RPS6KA2: variants seen among roughly 807,000 people sequenced by gnomAD.
RPS6KA2 encodes ribosomal protein S6 kinase A2, also known as ribosomal protein S6 kinase alpha-2.
RPS6KA2 carries 42 observed loss-of-function variants against 91.8 expected under a neutral mutation model. That is an observed-to-expected ratio of 0.46 (90% CI 0.36 to 0.59). The LOEUF is 0.59. Ranked by LOEUF, RPS6KA2 falls within the 20% of genes least tolerant of loss-of-function variation. The pLI is 0.00. For synonymous variants in RPS6KA2, 414 were observed against 393.6 expected, an observed-to-expected ratio of 1.05 and a Z score of -0.61; for missense variants, 798 against 978.5, an observed-to-expected ratio of 0.82 and a Z score of 2.46.
At chr6:166,425,405 T>C (rs1022212447) in intron 16 of RPS6KA2, among the ~76,000 whole-genome samples, 6 of 149,290 alleles carry the variant, frequency 4.0e-5, no homozygotes, top group Middle Eastern at 3.2e-3. Flanking sequence ...ATGAGCAAAA[T>C]AACCAGCTAA....
Position 166,550,752 on chromosome 6 carries a change from C to T in RPS6KA2, c.100-11968G>A, listed in dbSNP as rs562279650. ...GCGCGATGGCTCACGCCTGTAATCCCAGCACTTTGGGAGGCCAAGGCGGTC... is the reference window on the plus strand; with the variant it reads ...GCGCGATGGCTCACGCCTGTAATCCTAGCACTTTGGGAGGCCAAGGCGGTC... On this transcript the variant is annotated intron_variant, in intron 1 of 20. Transcript: ENST00000265678. Among the ~76,000 whole-genome samples, 38 of 152,192 alleles carry T rather than the reference C, an allele frequency of 2.5e-4. No individual in the cohort carries two copies. The South Asian group carries it at 7.5e-3, about 30-fold the overall frequency.
At chr6:166,621,811 ATCTC>A (rs1289922867) in intron 1 of RPS6KA2, among the ~76,000 whole-genome samples, 2 of 152,150 alleles carry the variant, frequency 1.3e-5, no homozygotes, top group Non-Finnish European at 2.9e-5. Context: ...GGCCGCACAC[ATCTC>A]TGGTTGACCC....
upstream of RPS6KA2, among the ~76,000 whole-genome samples, chr6:166,631,246 T>C (rs143560752): frequency 6.6e-6 from 1 of 152,380 alleles, no homozygotes; most frequent in East Asian, 1.9e-4. Context: ...GGAATTTACA[T>C]TTGAAACCAG....
intron 1 of RPS6KA2, among the ~76,000 whole-genome samples, chr6:166,576,946 C>G (rs556151208): frequency 1.2e-3 from 153 of 133,008 alleles, no homozygotes; most frequent in African/African-American, 3.8e-3. Flanking sequence ...GGTCCCAGAG[C>G]TGTGTGCAGC....
chr6:166,810,690 C>G (rs1461441176), intron 2 of RPS6KA2, among the ~76,000 whole-genome samples: 1 of 152,154 alleles, frequency 6.6e-6, no homozygotes, highest in Non-Finnish European at 1.5e-5. Context: ...CGGATAAAAG[C>G]CTATATATGG....
intron 1 of RPS6KA2, among the ~76,000 whole-genome samples, chr6:166,599,621 A>G (rs1190268571): frequency 6.6e-6 from 1 of 152,216 alleles, no homozygotes; most frequent in Non-Finnish European, 1.5e-5. Flanking sequence ...GTATCTCTAA[A>G]AATACCAACC....
At chr6:166,695,462 G>A (rs1363314018) in intron 2 of RPS6KA2, among the ~76,000 whole-genome samples, 1 of 152,228 alleles carries the variant, frequency 6.6e-6, no homozygotes, top group East Asian at 1.9e-4. Context: ...CCTAAGTGCA[G>A]TGAGGGTCTT....
chr6:166,713,049 G>C (rs907771431), intron 2 of RPS6KA2, among the ~76,000 whole-genome samples: 1 of 152,230 alleles, frequency 6.6e-6, no homozygotes, highest in Non-Finnish European at 1.5e-5. Context: ...TGACACGTCT[G>C]TCCCTGGAGG....
At position 166,732,751 on chromosome 6, in the gene RPS6KA2, G is replaced by A. The variant is rs916816746; in HGVS notation, c.123+125449C>T. Reference sequence around the variant, plus strand: ...CACCCAGGGCACAGCACAGGGGCCCGGTCAGAGCCTCTTCCTACCAGAGGT... The same window carrying A: ...CACCCAGGGCACAGCACAGGGGCCCAGTCAGAGCCTCTTCCTACCAGAGGT... On this transcript the variant is annotated intron_variant, in intron 2 of 21. Coordinates refer to the RPS6KA2 transcript ENST00000503859. This position sits in a 1 kb window ranked among gnomAD's most constrained non-coding sequence, Gnocchi z 4.0. Among the ~76,000 whole-genome samples the A allele has an allele frequency of 1.3e-5, 2 of 152,196 alleles. No homozygotes were observed. Among genetic ancestry groups the A allele is most frequent in the African/African-American group, 2.4e-5 (1 of 41,440 alleles).
At chr6:166,475,498 A>G (rs2235279) in intron 10 of RPS6KA2, among the ~76,000 whole-genome samples, 55,413 of 151,388 alleles carry the variant, frequency 0.37, 11,392 homozygotes, top group African/African-American at 0.56. Context: ...CCCTCCCCCC[A>G]CACCCCGTCC....
At chr6:166,663,811 G>A (rs1251665721) in intron 2 of RPS6KA2, among the ~76,000 whole-genome samples, 14 of 152,198 alleles carry the variant, frequency 9.2e-5, no homozygotes, top group Admixed American at 3.9e-4. Context: ...CACCCACCTG[G>A]AGCTGACAGT....
chr6:166,792,044 A>C (rs570046264), intron 2 of RPS6KA2, among the ~76,000 whole-genome samples: 10 of 151,580 alleles, frequency 6.6e-5, no homozygotes, highest in African/African-American at 1.7e-4. Flanking sequence ...TCGAGACACA[A>C]AAAAAAAACT....
chr6:166,537,617 C>T (rs952687921), intron 2 of RPS6KA2, among the ~76,000 whole-genome samples: 5 of 151,902 alleles, frequency 3.3e-5, no homozygotes, highest in Admixed American at 6.6e-5. Flanking sequence ...CCAGTTCATG[C>T]GGACTGTAGG....
At chr6:166,517,455 G>GTTTTTTTTTTTTTTTTTTTTTTT (rs71032809) in intron 3 of RPS6KA2, among the ~76,000 whole-genome samples, 4 of 104,968 alleles carry the variant, frequency 3.8e-5, no homozygotes, top group African/African-American at 1.8e-4. Flanking sequence ...CTTTTGTTTT[G>GTTTTTTTTTTTTTTTTTTTTTTT]TTTTTTTTTT....
chr6:166,492,690 T>C (rs1204450053), intron 8 of RPS6KA2, among the ~76,000 whole-genome samples: 1 of 151,716 alleles, frequency 6.6e-6, no homozygotes, highest in Non-Finnish European at 1.5e-5. Context: ...GTATCTTGCA[T>C]ACATTTGTTT....
chr6:166,779,633 C>T (rs2128609822), intron 2 of RPS6KA2, among the ~76,000 whole-genome samples: 1 of 152,312 alleles, frequency 6.6e-6, no homozygotes, highest in Admixed American at 6.5e-5. Context: ...GCCGTGATCG[C>T]CCACATCCCG....
At chr6:166,510,452 T>A (rs1219381743) in intron 3 of RPS6KA2, 95 bp from the exon 4 acceptor site, 2 of 722,236 alleles carry the variant, frequency 2.8e-6, no homozygotes, top group African/African-American at 3.7e-5. Context: ...CCCGCCAACT[T>A]TTCATTAAAA....
At chr6:166,610,071 A>G (rs1016443880) in intron 1 of RPS6KA2, among the ~76,000 whole-genome samples, 1 of 152,182 alleles carries the variant, frequency 6.6e-6, no homozygotes, top group Non-Finnish European at 1.5e-5. Flanking sequence ...ATTTAGTTCA[A>G]CATGAGATCT....
intron 1 of RPS6KA2, among the ~76,000 whole-genome samples, chr6:166,602,989 A>T (rs553529961): frequency 7.5e-4 from 114 of 152,282 alleles, no homozygotes; most frequent in African/African-American, 2.5e-3. Context: ...AGAGAGAGAG[A>T]GGTGTTGGTC....
Sources: allele counts gnomAD v4.1 joint callset (sites outside exome capture counted in the v4.1 genomes callset), GRCh38; gene constraint gnomAD v4.1.1; non-coding constraint Gnocchi (gnomAD v3.1); transcripts MANE v1.5; gene names NCBI Gene and HGNC (gene_info 2026-07-23, HGNC 2026-07-21).